Variants in ATRNL1 observed in about 807,000 individuals in gnomAD.
ATRNL1 encodes attractin like 1, also known as attractin-like protein 1.
A neutral mutation model predicts 182.7 loss-of-function variants in ATRNL1; 95 were observed. The observed-to-expected ratio is 0.52, with a 90% CI of 0.44 to 0.62. The LOEUF is 0.62. Ranked by LOEUF, ATRNL1 falls within the 20% of genes least tolerant of loss-of-function variation. ATRNL1 has a pLI of 0.00. For missense variants in ATRNL1, 1,471 were observed against 1,679.5 expected (o/e 0.88, Z 2.17); for synonymous variants, 576 against 568.3 (o/e 1.01, Z -0.19).
intron 26 of ATRNL1, among the ~76,000 whole-genome samples, chr10:115,584,458 T>A (rs1855366098): frequency 7.1e-6 from 1 of 141,722 alleles, no homozygotes; most frequent in Non-Finnish European, 1.6e-5. Flanking sequence ...AGATTCAACT[T>A]CTTCTTGGTT....
At chr10:115,474,298 G>T (rs1554972675) in intron 24 of ATRNL1, among the ~76,000 whole-genome samples, 1 of 151,322 alleles carries the variant, frequency 6.6e-6, no homozygotes, top group Non-Finnish European at 1.5e-5. Flanking sequence ...CACCTGTGAG[G>T]TTTCTGCTGA....
chr10:115,868,544 C>CA, intron 28 of ATRNL1, among the ~76,000 whole-genome samples: 1 of 152,266 alleles, frequency 6.6e-6, no homozygotes. Context: ...CACAGACCGT[C>CA]AATGCTTCAC....
At chr10:115,729,253 T>C (rs1007421514) in intron 27 of ATRNL1, among the ~76,000 whole-genome samples, 1 of 152,208 alleles carries the variant, frequency 6.6e-6, no homozygotes, top group Non-Finnish European at 1.5e-5. Context: ...TTTATCATTG[T>C]GAATTTTTAA....
chr10:115,264,077 C>T (rs1274138874), intron 10 of ATRNL1, among the ~76,000 whole-genome samples: 1 of 143,448 alleles, frequency 7.0e-6, no homozygotes, highest in Non-Finnish European at 1.6e-5. Context: ...CTTTCAGCAT[C>T]ATTCTCTTTT....
chr10:115,144,226 C>T (rs948153044), intron 5 of ATRNL1, among the ~76,000 whole-genome samples: 9 of 152,166 alleles, frequency 5.9e-5, no homozygotes, highest in Admixed American at 2.0e-4. Flanking sequence ...CGGCTCACTG[C>T]AAGTTCCGCC....
intron 8 of ATRNL1, among the ~76,000 whole-genome samples, chr10:115,186,539 G>A (rs951388946): frequency 2.6e-5 from 4 of 152,058 alleles, no homozygotes; most frequent in African/African-American, 9.7e-5. Context: ...AAAAAAGAAT[G>A]CAACCCTGTC....
chr10:115,163,729 A>G (rs1304826513), intron 6 of ATRNL1, among the ~76,000 whole-genome samples: 2 of 152,184 alleles, frequency 1.3e-5, no homozygotes, highest in Admixed American at 1.3e-4. Context: ...TGTGGCCCAC[A>G]AAGCCTAAAA....
chr10:115,148,956 C>T (rs1846094751), intron 5 of ATRNL1, among the ~76,000 whole-genome samples: 1 of 151,840 alleles, frequency 6.6e-6, no homozygotes, highest in African/African-American at 2.4e-5. Context: ...CGCCATGTTT[C>T]ACCTCCTGAC....
intron 25 of ATRNL1, among the ~76,000 whole-genome samples, chr10:115,529,450 A>C (rs1185850270): frequency 1.3e-5 from 2 of 151,696 alleles, no homozygotes; most frequent in Non-Finnish European, 1.5e-5. Flanking sequence ...GTGACAGGGA[A>C]ATAAATGGAA....
At chr10:115,652,930 A>G (rs1555034755) in intron 26 of ATRNL1, among the ~76,000 whole-genome samples, 2 of 152,094 alleles carry the variant, frequency 1.3e-5, no homozygotes, top group African/African-American at 4.8e-5. Flanking sequence ...TTTATTACTA[A>G]TTTATGTATT....
intron 26 of ATRNL1, among the ~76,000 whole-genome samples, chr10:115,699,084 T>C (rs76491967): frequency 0.035 from 5,286 of 152,218 alleles, 339 homozygotes; most frequent in African/African-American, 0.12. Context: ...CATAAAATTG[T>C]AAAGTTTTAT....
At chr10:115,459,419 G>A (rs954099837) in intron 21 of ATRNL1, among the ~76,000 whole-genome samples, 5 of 152,072 alleles carry the variant, frequency 3.3e-5, no homozygotes, top group East Asian at 1.9e-4. Context: ...AAGAGAATGC[G>A]CACCTAGGGG....
At chr10:115,116,187 A>G in intron 1 of ATRNL1, among the ~76,000 whole-genome samples, 1 of 152,102 alleles carries the variant, frequency 6.6e-6, no homozygotes, top group South Asian at 2.1e-4. Context: ...ATAAAAGTTC[A>G]TTTACACAAA....
intron 28 of ATRNL1, among the ~76,000 whole-genome samples, chr10:115,936,573 A>G (rs1953565737): frequency 6.6e-6 from 1 of 152,198 alleles, no homozygotes; most frequent in Non-Finnish European, 1.5e-5. Context: ...TATTAACTAA[A>G]TTTATATAAT....
intron 20 of ATRNL1, among the ~76,000 whole-genome samples, chr10:115,398,684 A>T (rs1453474171): frequency 6.6e-6 from 1 of 151,964 alleles, no homozygotes; most frequent in East Asian, 1.9e-4. Flanking sequence ...CTTTTTATTT[A>T]GATGCCTTTG....
chr10:115,904,507 A>G (rs1159260158), intron 28 of ATRNL1, among the ~76,000 whole-genome samples: 3 of 152,204 alleles, frequency 2.0e-5, no homozygotes, highest in African/African-American at 2.4e-5. Flanking sequence ...CACTATAGAC[A>G]GTGTGGATTT....
intron 1 of ATRNL1, among the ~76,000 whole-genome samples, chr10:115,117,513 G>GTTTTGTTGCAAATGACTGAATCACATTA (rs1844545101): frequency 1.3e-5 from 2 of 151,932 alleles, no homozygotes; most frequent in African/African-American, 4.8e-5. Flanking sequence ...AGTTACATCC[G>GTTTTGTTGCAAATGACTGAATCACATTA]TTTTGTTGCA....
At chr10:115,345,638 T>C (rs1449663867) in intron 19 of ATRNL1, among the ~76,000 whole-genome samples, 3 of 152,186 alleles carry the variant, frequency 2.0e-5, no homozygotes, top group African/African-American at 7.2e-5. Context: ...GATGTCCCTG[T>C]TGGAGGGGAC....
chr10:115,943,513 T>TGAC (rs369250113), intron 28 of ATRNL1, among the ~76,000 whole-genome samples: 123 of 152,194 alleles, frequency 8.1e-4, no homozygotes, highest in African/African-American at 2.8e-3. Context: ...CCTAAAACAC[T>TGAC]GACAACAACA....
Sources: gnomAD v4.1 joint callset for allele counts (sites outside exome capture counted in the v4.1 genomes callset) on GRCh38, gnomAD v4.1.1 for gene constraint, MANE v1.5 for transcripts, NCBI Gene and HGNC (gene_info 2026-07-23, HGNC 2026-07-21) for gene names.